GLI3: variants seen among roughly 807,000 people sequenced by gnomAD.
GLI3 encodes the protein transcription activator GLI3.
A neutral mutation model predicts 100.8 loss-of-function variants in GLI3; 20 were observed. That is an observed-to-expected ratio of 0.20 (90% CI 0.14 to 0.29). The LOEUF (loss-of-function observed/expected upper bound fraction) is 0.29, where lower values mean the gene tolerates loss of function less well. Ranked by LOEUF, GLI3 falls within the 10% of genes least tolerant of loss-of-function variation. The pLI, the probability that GLI3 is intolerant of heterozygous loss-of-function variation, is 1.00. For missense variants in GLI3, 2,040 were observed against 2,128.5 expected, an observed-to-expected ratio of 0.96 and a Z score of 0.82; for synonymous variants, 938 against 860.5, an observed-to-expected ratio of 1.09 and a Z score of -1.58.
chr7:42,170,434 G>T (rs1414036993), intron 2 of GLI3, among the ~76,000 whole-genome samples: 1 of 110,572 alleles, frequency 9.0e-6, no homozygotes, highest in Non-Finnish European at 1.7e-5. Flanking sequence ...ACAGTGTCTC[G>T]CTCTGTCGCC....
intron 1 of GLI3, among the ~76,000 whole-genome samples, chr7:42,254,615 G>T (rs973914226): frequency 1.3e-5 from 2 of 152,164 alleles, no homozygotes; most frequent in Non-Finnish European, 2.9e-5. Flanking sequence ...GCTGATCCTT[G>T]ATCTGTAGTG....
At chr7:42,073,600 C>A (rs898512218) in intron 4 of GLI3, among the ~76,000 whole-genome samples, 26 of 152,138 alleles carry the variant, frequency 1.7e-4, no homozygotes, top group Non-Finnish European at 3.2e-4. Context: ...AATTTATAAA[C>A]CTCTTTCAAT....
rs1286327461 is a variant in GLI3, at chr7:42,202,358, A to T, written c.124+20772T>A. ...CTCTCTCTCTCTCTCACACACACAC[A>T]CACACACACACACACACACACACAC... On this transcript the variant is annotated intron_variant, in intron 2 of 14. Coordinates refer to ENST00000395925, the MANE Select transcript of GLI3 (RefSeq NM_000168.6). 2.6e-3 allele frequency among the ~76,000 whole-genome samples: 391 copies of T among 149,938 alleles called. 1 individual carries two copies. The highest frequency in any genetic ancestry group is 8.9e-3 in the South Asian group (42 of 4,712).
intron 10 of GLI3, among the ~76,000 whole-genome samples, chr7:41,986,255 C>T (rs922558865): frequency 3.2e-4 from 48 of 152,256 alleles, no homozygotes; most frequent in African/African-American, 1.2e-3. Flanking sequence ...TTGAATCCTG[C>T]TTTTAGGTAC....
At chr7:42,166,643 C>A (rs1787247239) in intron 2 of GLI3, among the ~76,000 whole-genome samples, 1 of 131,708 alleles carries the variant, frequency 7.6e-6, no homozygotes, top group African/African-American at 2.9e-5. Context: ...CAGCCTGGTT[C>A]TGATTCCTTT....
chr7:42,066,935 T>G (rs1325452501), intron 4 of GLI3, among the ~76,000 whole-genome samples: 2 of 152,174 alleles, frequency 1.3e-5, no homozygotes, highest in Non-Finnish European at 2.9e-5. Context: ...ATGCTGTCTT[T>G]GGCTGACTAA....
chr7:42,141,993 C>G (rs1421438478), intron 3 of GLI3, among the ~76,000 whole-genome samples: 1 of 152,068 alleles, frequency 6.6e-6, no homozygotes, highest in Non-Finnish European at 1.5e-5. Context: ...AGTTTTGGTG[C>G]CCACAGAAAG....
chr7:42,041,512 C>T (rs1375546832), intron 6 of GLI3, among the ~76,000 whole-genome samples: 1 of 152,070 alleles, frequency 6.6e-6, no homozygotes, highest in East Asian at 1.9e-4. Context: ...ACGTAGGAGG[C>T]AAACAAAACA....
intron 1 of GLI3, among the ~76,000 whole-genome samples, chr7:42,254,948 G>A (rs1283395536): frequency 6.6e-6 from 1 of 151,666 alleles, no homozygotes; most frequent in Non-Finnish European, 1.5e-5. Flanking sequence ...TTCCTGTAAT[G>A]AAACCTAGAT....
chr7:42,258,766 C>A (rs962204195), intron 1 of GLI3, among the ~76,000 whole-genome samples: 7 of 152,140 alleles, frequency 4.6e-5, no homozygotes, highest in African/African-American at 1.7e-4. Context: ...GCTTGAATCC[C>A]ATTCACGAGA....
intron 2 of GLI3, among the ~76,000 whole-genome samples, chr7:42,197,874 T>C (rs1583640266): frequency 1.3e-5 from 2 of 152,030 alleles, no homozygotes; most frequent in African/African-American, 4.8e-5. Context: ...GAAGCCCACG[T>C]TGATGTGTTT....
In GLI3 at chr7:42,168,896, C is replaced by A. The variant is rs540738634; in HGVS notation, c.125-20428G>T. On this transcript the variant is annotated intron_variant, in intron 2 of 14. Transcript: ENST00000395925. ...TCGCACCACTGCACTCCAGTCTGGACAATGAAGTGAAATCCTGTCTCAAAA... is the reference window on the plus strand; with the variant it reads ...TCGCACCACTGCACTCCAGTCTGGAAAATGAAGTGAAATCCTGTCTCAAAA... Among the ~76,000 whole-genome samples the A allele has an allele frequency of 4.6e-5, 7 of 151,954 alleles. No individual in the cohort carries two copies. The East Asian group carries it at 1.4e-3, about 29-fold the overall frequency.
intron 1 of GLI3, among the ~76,000 whole-genome samples, chr7:42,261,947 C>T (rs1789145079): frequency 7.4e-6 from 1 of 135,426 alleles, no homozygotes; most frequent in African/African-American, 2.8e-5. Context: ...CTTTTCTTTT[C>T]TTTCCTTTTT....
upstream of GLI3, among the ~76,000 whole-genome samples, chr7:42,241,755 A>G (rs961227976): frequency 1.8e-4 from 27 of 152,112 alleles, no homozygotes; most frequent in Non-Finnish European, 2.5e-4. Flanking sequence ...CAATCCCACA[A>G]GTTGGGAAGA....
intron 3 of GLI3, among the ~76,000 whole-genome samples, chr7:42,115,086 C>T (rs1184980646): frequency 6.9e-6 from 1 of 144,316 alleles, no homozygotes; most frequent in African/African-American, 2.5e-5. Context: ...GGGTAGGAGA[C>T]AAAAATGTAA....
intron 1 of GLI3, among the ~76,000 whole-genome samples, chr7:42,251,181 C>T (rs1038275942): frequency 6.6e-6 from 1 of 152,186 alleles, no homozygotes; most frequent in Non-Finnish European, 1.5e-5. Flanking sequence ...GTCCAGCCGC[C>T]CCCAACCTTT....
chr7:42,095,913 G>A (rs908868391), intron 3 of GLI3, among the ~76,000 whole-genome samples: 4 of 152,192 alleles, frequency 2.6e-5, no homozygotes, highest in African/African-American at 7.2e-5. Flanking sequence ...AGGAAACCTG[G>A]AGGGAGGCTG....
intron 2 of GLI3, among the ~76,000 whole-genome samples, chr7:42,189,742 G>A (rs1476216134): frequency 6.6e-6 from 1 of 152,184 alleles, no homozygotes; most frequent in Non-Finnish European, 1.5e-5. Context: ...ACTTGACAGA[G>A]TGCTGGAGTA....
At chr7:42,089,252 C>T (rs1333380053) in intron 3 of GLI3, among the ~76,000 whole-genome samples, 2 of 152,172 alleles carry the variant, frequency 1.3e-5, no homozygotes, top group African/African-American at 4.8e-5. Flanking sequence ...TCTGCACTTC[C>T]TCAATGAGTT....
Sources: allele counts gnomAD v4.1 joint callset (sites outside exome capture counted in the v4.1 genomes callset), GRCh38; gene constraint gnomAD v4.1.1; transcripts MANE v1.5; gene names NCBI Gene and HGNC (gene_info 2026-07-23, HGNC 2026-07-21).